Variants in SPTAN1 observed in about 807,000 individuals in gnomAD.
SPTAN1 encodes the protein spectrin alpha, non-erythrocytic 1.
SPTAN1 carries 61 observed loss-of-function variants against 331.3 expected under a neutral mutation model. The ratio of observed to expected loss-of-function variants is 0.18; its 90% CI spans 0.15 to 0.23. The LOEUF is 0.23. SPTAN1 is among the 10% of genes least tolerant of loss of function. The pLI, the probability that SPTAN1 is intolerant of heterozygous loss-of-function variation, is 1.00. For synonymous variants in SPTAN1, 1,153 were observed against 1,173.9 expected (o/e 0.98, Z 0.36); for missense variants, 2,043 against 3,147.9 (o/e 0.65, Z 8.40).
Position 128,578,105 on chromosome 9 carries a change from C to T in SPTAN1, c.1086-5C>T, listed in dbSNP as rs777361183. On this transcript the variant is annotated splice_polypyrimidine_tract_variant and splice_region_variant and intron_variant, in intron 8 of 56. Transcript: ENST00000372739. ...AACATAATGTCTTCCTTTGGTTTTC[C>T]CTAGGCTTCAACGCTTCCTTGCTGA... 8 of 1,613,952 alleles carry T rather than the reference C, an allele frequency of 5.0e-6. No individual in the cohort carries two copies. The highest frequency in any genetic ancestry group is 6.8e-6 in the Non-Finnish European group (8 of 1,180,000).
chr9:128,578,439 A>G (rs2131034780), intron 9 of SPTAN1, among the ~76,000 whole-genome samples, 194 bp downstream of exon 9: 1 of 152,290 alleles, frequency 6.6e-6, no homozygotes, highest in South Asian at 2.1e-4. Context: ...AACTGGGTTC[A>G]GTGTCAAGAG....
chr9:128,586,806 T>A lies in SPTAN1; in HGVS notation c.2779-800T>A, dbSNP rs573458217. On this transcript the variant is annotated intron_variant, in intron 19 of 56. Coordinates refer to ENST00000372739, the MANE Select transcript of SPTAN1 (RefSeq NM_001130438.3). ...CACTCTTCACAAAAACTAGAATGAG[T>A]TGAATTTTTCCTTTTCTTTTTTTTT... Among the ~76,000 whole-genome samples the A allele has an allele frequency of 2.5e-5, 3 of 121,890 alleles. No homozygotes were observed. The East Asian group carries it at 7.7e-4, about 31-fold the overall frequency. 80.0% of individuals were successfully genotyped at this position (121,890 alleles called of 152,430 possible). A position where few individuals can be genotyped will look rare whatever the true frequency, so the allele number is the denominator to read the frequency against.
chr9:128,633,636 G>GACAA lies in SPTAN1; in HGVS notation c.*304_*307dup. ...CCCCCAAATCTGTTTTCATGTAAAA[G>GACAA]ACAAATAAATGATGACTTCCCCCAA... On this transcript the variant is annotated 3_prime_UTR_variant, in exon 57 of 57. Transcript: ENST00000372739. 2 of 1,342,036 alleles carry GACAA rather than the reference G, an allele frequency of 1.5e-6. No homozygotes were observed. The highest frequency in any genetic ancestry group is 2.0e-6 in the Non-Finnish European group (2 of 976,650). 83.1% of individuals were successfully genotyped at this position (1,342,036 alleles called of 1,614,324 possible).
intron 3 of SPTAN1, among the ~76,000 whole-genome samples, chr9:128,570,096 A>T (rs1850476894): frequency 6.6e-6 from 1 of 152,016 alleles, no homozygotes; most frequent in Non-Finnish European, 1.5e-5. Context: ...AGAGTAAATG[A>T]AATCAGTCTG....
At chr9:128,559,413 A>AT (rs550715223) in intron 1 of SPTAN1, among the ~76,000 whole-genome samples, 20 of 152,290 alleles carry the variant, frequency 1.3e-4, no homozygotes, top group African/African-American at 3.8e-4. Flanking sequence ...CCCAAATGTG[A>AT]TTTAATTTCT....
rs1180625127 is a variant in SPTAN1 at position 128,584,537 on chromosome 9, T to G, written c.2437+12T>G. 1 of 1,614,060 alleles carries G rather than the reference T, an allele frequency of 6.2e-7. No homozygotes were observed. Among genetic ancestry groups the G allele is most frequent in the East Asian group, 2.2e-5 (1 of 44,878 alleles). ...ATCTACCAACAGAGGTCAGTCTGCTTCCCTCAGGTAGGAATCAACTTGGGA... is the reference window on the plus strand; with the variant it reads ...ATCTACCAACAGAGGTCAGTCTGCTGCCCTCAGGTAGGAATCAACTTGGGA... On this transcript the variant is annotated intron_variant, in intron 17 of 56. Coordinates refer to ENST00000372739, the MANE Select transcript of SPTAN1 (RefSeq NM_001130438.3).
At chr9:128,622,707 C>A (rs1589373207) in intron 45 of SPTAN1, among the ~76,000 whole-genome samples, 1 of 151,890 alleles carries the variant, frequency 6.6e-6, no homozygotes, top group East Asian at 1.9e-4. Context: ...TAAAGAATTT[C>A]TCTTTAAATT....
rs1860057959 is a variant in SPTAN1, at chr9:128,633,042, C to A, written c.7308+87C>A. On this transcript the variant is annotated intron_variant, in intron 56 of 56. Coordinates refer to ENST00000372739, the MANE Select transcript of SPTAN1 (RefSeq NM_001130438.3). ...CAGAGCTGAGTCTGGGGTAACAGGC[C>A]CTGCGCTGGGTATTCTCCCCATTTA... 4.4e-6 allele frequency: 7 copies of A among 1,595,960 alleles called. No homozygotes were observed. In the South Asian group the frequency reaches 7.7e-5, roughly 18 times the overall value.
In SPTAN1 at chr9:128,608,870, A is replaced by T; in HGVS notation, c.4492-4A>T. The T allele has an allele frequency of 6.2e-7, 1 of 1,613,612 alleles. No individual in the cohort carries two copies. Among genetic ancestry groups the T allele is most frequent in the Non-Finnish European group, 8.5e-7 (1 of 1,179,916 alleles). On this transcript the variant is annotated splice_region_variant and splice_polypyrimidine_tract_variant and intron_variant, in intron 34 of 56. Transcript: ENST00000372739. ...CTTGATCTCATGCCTTTGTTTTCTG[A>T]CAGGAAGAGAAGATTGCTGCTCTGC...
At chr9:128,576,798 C>A in intron 5 of SPTAN1, 25 bp from the exon 6 acceptor site, 1 of 1,612,714 alleles carries the variant, frequency 6.2e-7, no homozygotes, top group Non-Finnish European at 8.5e-7. Flanking sequence ...GTGTACAAAT[C>A]CAGTCTCTTC....
chr9:128,560,106 C>CA (rs1195612428), intron 1 of SPTAN1, among the ~76,000 whole-genome samples: 1 of 93,744 alleles, frequency 1.1e-5, no homozygotes, highest in East Asian at 3.9e-4. Context: ...TTTTAAGAGA[C>CA]AGAGTCTCGC....
At chr9:128,617,335 T>C (rs1314485671) in intron 41 of SPTAN1, among the ~76,000 whole-genome samples, 10 of 152,174 alleles carry the variant, frequency 6.6e-5, no homozygotes, top group African/African-American at 2.4e-4. Context: ...GTATACATGA[T>C]TGATATATAT....
chr9:128,566,869 C>T lies in SPTAN1; in HGVS notation c.129C>T (p.Ser43=), dbSNP rs1442175070. The T allele has an allele frequency of 6.2e-7, 1 of 1,614,068 alleles. No individual in the cohort carries two copies. Among genetic ancestry groups the T allele is most frequent in the Admixed American group, 1.7e-5 (1 of 60,000 alleles). ...STLRRQKLED[S]YRFQFFQRDA... is the part of the protein sequence containing the mutation. ...TTAGGCGTCAGAAGCTGGAAGATTC[C>T]TATCGATTCCAGTTCTTTCAAAGAG... The change falls in exon 2 of 57, where the codon TCC becomes TCT. Residue 43 remains serine, a synonymous_variant. Coordinates refer to ENST00000372739, the MANE Select transcript of SPTAN1 (RefSeq NM_001130438.3).
At position 128,604,489 on chromosome 9, in the gene SPTAN1, G is replaced by A. The variant is rs181169105; in HGVS notation, c.3719+72G>A. ...TGGTTTCCTGACAGCCCCCAAGCTT[G>A]CTGACTGAGATCCTAGAGCAACTGC... On this transcript the variant is annotated intron_variant, in intron 29 of 56. Coordinates refer to ENST00000372739, the MANE Select transcript of SPTAN1 (RefSeq NM_001130438.3). 28 of 1,467,152 alleles carry A rather than the reference G, an allele frequency of 1.9e-5. No individual in the cohort carries two copies. The Admixed American group carries it at 5.1e-4, about 26-fold the overall frequency. The allele number at this position is 1,467,152 out of a possible 1,614,324, so 90.9% of individuals were successfully genotyped here.
At chr9:128,554,785 TGACTG>T (rs1441047446) in intron 1 of SPTAN1, among the ~76,000 whole-genome samples, 1 of 152,240 alleles carries the variant, frequency 6.6e-6, no homozygotes, top group Non-Finnish European at 1.5e-5. Flanking sequence ...GGGGGCCACT[TGACTG>T]GAGCAGCTGT....
intron 3 of SPTAN1, among the ~76,000 whole-genome samples, chr9:128,572,620 A>G (rs1423082042): frequency 1.3e-5 from 2 of 152,190 alleles, no homozygotes; most frequent in African/African-American, 2.4e-5. Flanking sequence ...CACAGTTACT[A>G]TGGTGATCTT....
In SPTAN1 at chr9:128,581,002, C is replaced by T. The variant is rs1364564438; in HGVS notation, c.1404C>T (p.Asp468=). 1 of 1,614,066 alleles carries T rather than the reference C, an allele frequency of 6.2e-7. No homozygotes were observed. Among genetic ancestry groups the T allele is most frequent in the Admixed American group, 1.7e-5 (1 of 60,032 alleles). The change falls in exon 11 of 57, where the codon GAC becomes GAT. Residue 468 remains aspartate (D), a synonymous_variant. Transcript: ENST00000372739. ...LRRQQYEQCM[D]LQLFYRDTEQ... ...GGCAGCAGTACGAGCAGTGCATGGA[C>T]CTGCAGCTCTTCTACCGGGACACTG...
chr9:128,591,339 T>C (rs1853488487), intron 21 of SPTAN1, 138 bp from the exon 22 acceptor site: 5 of 1,058,168 alleles, frequency 4.7e-6, no homozygotes, highest in Non-Finnish European at 7.2e-6. Flanking sequence ...GTGCTGGGAT[T>C]ATAGGTGTGA....
chr9:128,587,670 C>T lies in SPTAN1; in HGVS notation c.2843C>T (p.Ala948Val). ...AGTGCCTACGGCAGCAGCATCCAGG[C>T]TTTGCGAGAACAAGCACAGTCCTGC... ...DLSAYGSSIQALREQAQSCRQ... is the reference protein window; with the variant it reads ...DLSAYGSSIQVLREQAQSCRQ... The change falls in exon 20 of 57, where the codon GCT (alanine) becomes GTT (valine). Residue 948 changes from alanine (A) to valine (V), a missense_variant. Coordinates refer to ENST00000372739, the MANE Select transcript of SPTAN1 (RefSeq NM_001130438.3). 6.2e-7 allele frequency: 1 copy of T among 1,614,036 alleles called. No homozygotes were observed. Among genetic ancestry groups the T allele is most frequent in the Non-Finnish European group, 8.5e-7 (1 of 1,179,996 alleles).
Sources: allele counts gnomAD v4.1 joint callset (sites outside exome capture counted in the v4.1 genomes callset), GRCh38; gene constraint gnomAD v4.1.1; transcripts MANE v1.5; gene names NCBI Gene and HGNC (gene_info 2026-07-23, HGNC 2026-07-21).